CLSTN2: variants seen among roughly 807,000 people sequenced by gnomAD.
The protein encoded by CLSTN2 is calsyntenin 2.
Under a neutral mutation model 101.2 loss-of-function variants are expected in CLSTN2, and 48 were observed. That is an observed-to-expected ratio of 0.47 (90% CI 0.38 to 0.60). The LOEUF is 0.60. CLSTN2 is among the 20% of genes least tolerant of loss of function. The pLI is 0.00. For missense variants in CLSTN2, 1,160 were observed against 1,238.2 expected (o/e 0.94, Z 0.95); for synonymous variants, 481 against 463.6 (o/e 1.04, Z -0.48).
intron 1 of CLSTN2, among the ~76,000 whole-genome samples, chr3:140,014,621 G>A (rs974732361): frequency 1.3e-5 from 2 of 152,078 alleles, no homozygotes; most frequent in East Asian, 1.9e-4. Flanking sequence ...GGGAAGGAGA[G>A]TCCCACAAAC....
intron 2 of CLSTN2, among the ~76,000 whole-genome samples, chr3:140,283,333 C>T (rs1269798710): frequency 6.6e-6 from 1 of 152,054 alleles, no homozygotes; most frequent in Non-Finnish European, 1.5e-5. Flanking sequence ...TTCTGAGGGC[C>T]AAAGTCGTAC....
At chr3:140,444,824 G>A (rs1251058210) in intron 5 of CLSTN2, among the ~76,000 whole-genome samples, 1 of 152,138 alleles carries the variant, frequency 6.6e-6, no homozygotes, top group African/African-American at 2.4e-5. Flanking sequence ...TTTAAACTCA[G>A]GTATGCTGAA....
intron 1 of CLSTN2, 108 bp from the exon 2 acceptor site, chr3:140,175,843 G>A (rs1316542547): frequency 9.4e-7 from 1 of 1,065,088 alleles, no homozygotes; most frequent in Non-Finnish European, 1.3e-6. Flanking sequence ...TCATGGGATT[G>A]TTGGATGAGA....
At chr3:140,150,505 A>G (rs1191626466) in intron 1 of CLSTN2, among the ~76,000 whole-genome samples, 1 of 152,164 alleles carries the variant, frequency 6.6e-6, no homozygotes, top group East Asian at 1.9e-4. Flanking sequence ...ACAGTTTTTA[A>G]TTGTCAACCC....
chr3:140,032,897 C>T (rs1576403620), intron 1 of CLSTN2, among the ~76,000 whole-genome samples: 2 of 152,288 alleles, frequency 1.3e-5, no homozygotes, highest in South Asian at 4.1e-4. Flanking sequence ...GGTCTGTGAG[C>T]AAACTGAAAA....
chr3:140,042,180 A>C (rs955798953), intron 1 of CLSTN2, among the ~76,000 whole-genome samples: 11 of 152,240 alleles, frequency 7.2e-5, no homozygotes, highest in African/African-American at 2.4e-4. Context: ...CATTTGGTTC[A>C]GTATTCAGTT....
At chr3:140,076,627 T>TTTTTTTG (rs2008495995) in intron 1 of CLSTN2, among the ~76,000 whole-genome samples, 3 of 25,980 alleles carry the variant, frequency 1.2e-4, no homozygotes, top group Non-Finnish European at 3.1e-4. Flanking sequence ...CCAGCAGTGT[T>TTTTTTTG]TTTTTTTTTT....
At chr3:140,547,884 A>C (rs1935629160) in intron 10 of CLSTN2, among the ~76,000 whole-genome samples, 1 of 152,224 alleles carries the variant, frequency 6.6e-6, no homozygotes, top group Admixed American at 6.5e-5. Flanking sequence ...CCTGGAGCAC[A>C]GGACAGCCCC....
chr3:139,973,541 G>A (rs1935754154), intron 1 of CLSTN2, among the ~76,000 whole-genome samples: 2 of 152,204 alleles, frequency 1.3e-5, no homozygotes, highest in South Asian at 2.1e-4. Flanking sequence ...AGACAGGGGT[G>A]TGTGGGGTAG....
At chr3:140,326,032 T>C (rs1263745413) in intron 2 of CLSTN2, among the ~76,000 whole-genome samples, 1 of 152,232 alleles carries the variant, frequency 6.6e-6, no homozygotes, top group African/African-American at 2.4e-5. Context: ...CTTTTCCTTT[T>C]CACACTCCTA....
intron 9 of CLSTN2, among the ~76,000 whole-genome samples, chr3:140,540,214 G>A (rs1056587088): frequency 1.1e-4 from 17 of 152,096 alleles, no homozygotes; most frequent in Non-Finnish European, 2.2e-4. Flanking sequence ...TGTTGTCATC[G>A]CTAAGTTGTA....
intron 1 of CLSTN2, among the ~76,000 whole-genome samples, chr3:140,054,675 T>C (rs748467383): frequency 5.3e-5 from 8 of 152,208 alleles, no homozygotes; most frequent in Non-Finnish European, 8.8e-5. Flanking sequence ...GGGCCATGTA[T>C]AGGACAAGCC....
chr3:140,566,332 C>T lies in CLSTN2; in HGVS notation c.*79C>T, dbSNP rs567394554. 188 of 1,367,534 alleles carry T rather than the reference C, an allele frequency of 1.4e-4. No individual in the cohort carries two copies. The African/African-American group carries it at 2.4e-3, about 17-fold the overall frequency. The allele number at this position is 1,367,534 out of a possible 1,614,324, so 84.7% of individuals were successfully genotyped here. On this transcript the variant is annotated 3_prime_UTR_variant, in exon 17 of 17. Transcript: ENST00000458420. ...GTGTATGCCCATGTCTATCATACCT[C>T]ACCTCTGATGTCTGTGACATGTCTG...
At chr3:139,955,452 GA>G (rs375232081) in intron 1 of CLSTN2, among the ~76,000 whole-genome samples, 5 of 152,182 alleles carry the variant, frequency 3.3e-5, no homozygotes, top group African/African-American at 1.2e-4. Context: ...ACAACTTAGC[GA>G]AACAGTGACC....
chr3:140,419,889 G>C (rs1395600860), intron 4 of CLSTN2, among the ~76,000 whole-genome samples: 1 of 137,702 alleles, frequency 7.3e-6, no homozygotes. Context: ...TTACCTCTTT[G>C]TTTATTTTGT....
At chr3:140,466,888 A>G (rs1933719892) in intron 8 of CLSTN2, among the ~76,000 whole-genome samples, 157 bp downstream of exon 8, 1 of 152,166 alleles carries the variant, frequency 6.6e-6, no homozygotes, top group East Asian at 1.9e-4. Context: ...TCTTAAAGTC[A>G]GGAAGGAAAC....
chr3:140,021,570 A>T (rs1157503241), intron 1 of CLSTN2, among the ~76,000 whole-genome samples: 1 of 152,106 alleles, frequency 6.6e-6, no homozygotes, highest in Admixed American at 6.5e-5. Flanking sequence ...GTGTGTGTTT[A>T]TGAATGTGTC....
intron 2 of CLSTN2, among the ~76,000 whole-genome samples, chr3:140,306,989 G>A (rs2087120548): frequency 6.6e-6 from 1 of 151,956 alleles, no homozygotes; most frequent in Admixed American, 6.6e-5. Context: ...CCTGGTGGGA[G>A]GTAATTGAAT....
intron 2 of CLSTN2, among the ~76,000 whole-genome samples, chr3:140,387,257 G>C (rs2088063785): frequency 6.6e-6 from 1 of 152,174 alleles, no homozygotes; most frequent in Non-Finnish European, 1.5e-5. Context: ...GCCAGAGCAG[G>C]CTTCTTAGAA....
Sources: allele counts gnomAD v4.1 joint callset (sites outside exome capture counted in the v4.1 genomes callset), GRCh38; gene constraint gnomAD v4.1.1; transcripts MANE v1.5; gene names NCBI Gene and HGNC (gene_info 2026-07-23, HGNC 2026-07-21).